The following PEX5L variants were observed in gnomAD, a reference collection of about 807,000 sequenced individuals.
PEX5L encodes the protein peroxisomal biogenesis factor 5 like.
PEX5L carries 30 observed loss-of-function variants against 84.0 expected under a neutral mutation model. The ratio of observed to expected loss-of-function variants is 0.36; its 90% CI spans 0.27 to 0.48. The LOEUF (loss-of-function observed/expected upper bound fraction) is 0.48. PEX5L is among the 20% of genes least tolerant of loss of function. PEX5L has a pLI of 0.99. For synonymous variants in PEX5L, 270 were observed against 283.1 expected, an observed-to-expected ratio of 0.95 and a Z score of 0.46; for missense variants, 533 against 754.6, an observed-to-expected ratio of 0.71 and a Z score of 3.44.
chr3:179,960,700 A>C (rs1307652637), intron 2 of PEX5L, among the ~76,000 whole-genome samples: 1 of 152,254 alleles, frequency 6.6e-6, no homozygotes. Flanking sequence ...TTTTTAGCTT[A>C]AAAATTTAAC....
intron 3 of PEX5L, among the ~76,000 whole-genome samples, chr3:179,893,278 C>A (rs1343607959): frequency 6.6e-6 from 1 of 152,110 alleles, no homozygotes. Flanking sequence ...GCTCTTAAAA[C>A]TTTATCTGAA....
intron 2 of PEX5L, among the ~76,000 whole-genome samples, chr3:179,911,003 A>G (rs908046239): frequency 2.0e-5 from 3 of 152,166 alleles, no homozygotes; most frequent in African/African-American, 7.2e-5. Context: ...CTTCCCCACC[A>G]TACTTATTGA....
At position 179,919,042 on chromosome 3, in the gene PEX5L, A is replaced by T. The variant is rs894735859; in HGVS notation, c.94-20796T>A. ...TTCCACAGGTTCTAGGGCTTGGTCA[A>T]GTACTATTTCATTCTATGCTCTAGT... On this transcript the variant is annotated intron_variant, in intron 2 of 14. Coordinates refer to ENST00000467460, the MANE Select transcript of PEX5L (RefSeq NM_016559.3). Among the ~76,000 whole-genome samples the T allele has an allele frequency of 2.0e-5, 3 of 152,220 alleles. No individual in the cohort carries two copies. In the South Asian group the frequency reaches 6.2e-4, roughly 31 times the overall value.
intron 2 of PEX5L, among the ~76,000 whole-genome samples, chr3:179,928,476 A>G (rs6794543): frequency 0.79 from 119,366 of 151,986 alleles, 47,136 homozygotes; most frequent in African/African-American, 0.85. Flanking sequence ...TTCCTTCCCC[A>G]CTTAAGCTTC....
intron 3 of PEX5L, chr3:179,895,521 G>C (rs936405124): frequency 2.0e-5 from 3 of 152,086 alleles, no homozygotes; most frequent in Non-Finnish European, 4.4e-5. Context: ...CATATTGTTT[G>C]CTTAATATGG....
chr3:179,840,183 G>GTGTGTT (rs542803963), intron 8 of PEX5L, among the ~76,000 whole-genome samples: 30 of 78,720 alleles, frequency 3.8e-4, no homozygotes, highest in African/African-American at 7.8e-4. Flanking sequence ...GTGTGTGTGT[G>GTGTGTT]TTTTTTTTTT....
At chr3:179,847,400 G>A (rs553708360) in intron 8 of PEX5L, among the ~76,000 whole-genome samples, 4 of 152,094 alleles carry the variant, frequency 2.6e-5, no homozygotes, top group African/African-American at 9.6e-5. Flanking sequence ...TGATCACCTG[G>A]GAAGAAGAGG....
At chr3:179,842,347 A>G (rs998211963) in intron 8 of PEX5L, among the ~76,000 whole-genome samples, 1 of 152,188 alleles carries the variant, frequency 6.6e-6, no homozygotes, top group Non-Finnish European at 1.5e-5. Flanking sequence ...AGAAGGGTTC[A>G]CATCGAATGG....
At chr3:179,814,203 A>G (rs957186206) in intron 10 of PEX5L, among the ~76,000 whole-genome samples, 5 of 152,132 alleles carry the variant, frequency 3.3e-5, no homozygotes, top group Non-Finnish European at 7.4e-5. Context: ...TTTGAACAAG[A>G]TATTACAAGA....
At chr3:179,924,833 T>G (rs966048919) in intron 2 of PEX5L, among the ~76,000 whole-genome samples, 1 of 152,012 alleles carries the variant, frequency 6.6e-6, no homozygotes, top group Non-Finnish European at 1.5e-5. Flanking sequence ...TAGAGCAGTA[T>G]GTTGCACATA....
intron 8 of PEX5L, among the ~76,000 whole-genome samples, chr3:179,856,997 A>G (rs191834030): frequency 6.6e-6 from 1 of 152,316 alleles, no homozygotes; most frequent in Admixed American, 6.5e-5. Context: ...GTAATGCTGG[A>G]TCATTTCTTT....
At chr3:179,839,879 T>C (rs2111393) in intron 8 of PEX5L, among the ~76,000 whole-genome samples, 32,444 of 152,170 alleles carry the variant, frequency 0.21, 3,620 homozygotes, top group Non-Finnish European at 0.25. Flanking sequence ...TTTTTGTTTG[T>C]TTTTAAGAAA....
At chr3:179,964,683 C>T (rs1207423319) in intron 2 of PEX5L, among the ~76,000 whole-genome samples, 1 of 152,112 alleles carries the variant, frequency 6.6e-6, no homozygotes, top group Non-Finnish European at 1.5e-5. Flanking sequence ...ACACAGTCAA[C>T]AAGCATATGA....
intron 2 of PEX5L, among the ~76,000 whole-genome samples, chr3:179,943,000 G>A (rs1776567696): frequency 1.3e-5 from 2 of 152,164 alleles, no homozygotes; most frequent in African/African-American, 4.8e-5. Flanking sequence ...CTGTAAAATG[G>A]GGATAGTAAC....
intron 2 of PEX5L, among the ~76,000 whole-genome samples, chr3:179,969,462 A>C (rs1159561852): frequency 6.6e-6 from 1 of 152,110 alleles, no homozygotes; most frequent in Non-Finnish European, 1.5e-5. Flanking sequence ...ATGTACATAT[A>C]CATACACACA....
intron 7 of PEX5L, among the ~76,000 whole-genome samples, chr3:179,873,503 G>A (rs563341204): frequency 7.9e-5 from 12 of 152,220 alleles, no homozygotes; most frequent in East Asian, 7.7e-4. Context: ...CTTTAAAAGC[G>A]TTCAAGGGAA....
intron 8 of PEX5L, among the ~76,000 whole-genome samples, chr3:179,849,625 C>T (rs1740998248): frequency 6.6e-6 from 1 of 152,150 alleles, no homozygotes; most frequent in African/African-American, 2.4e-5. Flanking sequence ...AGCTACTGTC[C>T]CACTGGTGTT....
At chr3:179,979,538 C>T (rs996671690) in intron 1 of PEX5L, among the ~76,000 whole-genome samples, 3 of 152,098 alleles carry the variant, frequency 2.0e-5, no homozygotes, top group Non-Finnish European at 4.4e-5. Context: ...GTGGTTTTAA[C>T]CCTGTCATCC....
intron 1 of PEX5L, among the ~76,000 whole-genome samples, chr3:180,032,586 G>A (rs1791557649): frequency 6.6e-6 from 1 of 152,232 alleles, no homozygotes; most frequent in Admixed American, 6.5e-5. Flanking sequence ...GGGAGCTGCG[G>A]TTCATGCCTG....
Sources: allele counts gnomAD v4.1 joint callset (sites outside exome capture counted in the v4.1 genomes callset), GRCh38; gene constraint gnomAD v4.1.1; transcripts MANE v1.5; gene names NCBI Gene and HGNC (gene_info 2026-07-23, HGNC 2026-07-21).